Variants in NAE1 observed in about 807,000 individuals in gnomAD.
NAE1 encodes the protein NEDD8-activating enzyme E1 regulatory subunit.
Under a neutral mutation model 88.0 loss-of-function variants are expected in NAE1, and 59 were observed. That is an observed-to-expected ratio of 0.67 (90% CI 0.54 to 0.83). NAE1 has a LOEUF of 0.83. Among genes scored for constraint, NAE1 ranks in the 40% least tolerant of loss-of-function variants. The pLI, the probability that NAE1 is intolerant of heterozygous loss-of-function variation, is 0.00. For missense variants in NAE1, 554 were observed against 632.8 expected, an observed-to-expected ratio of 0.88 and a Z score of 1.34; for synonymous variants, 186 against 208.9, an observed-to-expected ratio of 0.89 and a Z score of 0.95.
At chr16:66,826,360 T>C (rs577130736) in intron 3 of NAE1, 163 bp downstream of exon 3, 1 of 629,524 alleles carries the variant, frequency 1.6e-6, no homozygotes, top group Non-Finnish European at 2.8e-6. Context: ...ATTTGCCAGA[T>C]GCTGTACTAG....
chr16:66,804,718 A>G (rs1253236413), intron 19 of NAE1, among the ~76,000 whole-genome samples: 4 of 152,094 alleles, frequency 2.6e-5, no homozygotes, highest in Non-Finnish European at 4.4e-5. Context: ...TTGTATGAGG[A>G]TAGGGCCTTT....
At chr16:66,823,465 G>A in intron 5 of NAE1, 64 bp downstream of exon 5, 1 of 1,454,796 alleles carries the variant, frequency 6.9e-7, no homozygotes, top group Non-Finnish European at 9.4e-7. Flanking sequence ...TAAATTTCTG[G>A]GGCTTTGAAT....
In NAE1 at chr16:66,814,211, C is replaced by T. The variant is rs189103708; in HGVS notation, c.841-365G>A. ...TGTCAAAAATCTGAAACCCTTGCAC[C>T]CTAATTAGTGACCGTTGAGACAACC... On this transcript the variant is annotated intron_variant, in intron 11 of 19. Transcript: ENST00000290810. Among the ~76,000 whole-genome samples, 18 of 152,054 alleles carry T rather than the reference C, an allele frequency of 1.2e-4. 1 individual carries two copies. Among genetic ancestry groups the T allele is most frequent in the Admixed American group, 1.2e-3 (18 of 15,250 alleles).
chr16:66,804,166 T>A (rs954621265), intron 19 of NAE1, among the ~76,000 whole-genome samples: 1 of 151,196 alleles, frequency 6.6e-6, no homozygotes, highest in African/African-American at 2.4e-5. Flanking sequence ...AGACAGCATT[T>A]GAATAAAACC....
At position 66,810,280 on chromosome 16, in the gene NAE1, A is replaced by G. The variant is rs115947594; in HGVS notation, c.1150+94T>C. 1.1e-3 allele frequency: 1,123 copies of G among 1,056,450 alleles called. 8 individuals carry two copies. The African/African-American group carries it at 0.016, about 15-fold the overall frequency. The allele number at this position is 1,056,450 out of a possible 1,614,324, so 65.4% of individuals were successfully genotyped here. On this transcript the variant is annotated intron_variant, in intron 15 of 19. Coordinates refer to ENST00000290810, the MANE Select transcript of NAE1 (RefSeq NM_003905.4). The stretch of plus-strand genomic sequence containing the variant: ...TATCTATATCACTGAGGCCATGGAA[A>G]ACTTAAAATTTCAACCATTCAAAAT...
rs1959744490 is a variant in NAE1, at chr16:66,810,377, G to A, written c.1147C>T (p.Leu383Phe). 2.5e-6 allele frequency: 4 copies of A among 1,594,260 alleles called. No homozygotes were observed. The highest frequency in any genetic ancestry group is 3.4e-6 in the Non-Finnish European group (4 of 1,163,488). The change falls in exon 15 of 20, where the codon CTC (leucine) becomes TTC (phenylalanine). Residue 383 changes from leucine to phenylalanine, a missense_variant. Coordinates refer to ENST00000290810, the MANE Select transcript of NAE1 (RefSeq NM_003905.4). ...ESISEKELKL[L>F]CSNSAFLRVV... The stretch of plus-strand genomic sequence containing the variant: ...AAATTAATTCAAGGGGACTTACAGA[G>A]TAATTTTAATTCTTTCTCTGAAATG...
intron 13 of NAE1, among the ~76,000 whole-genome samples, chr16:66,811,445 C>A (rs1350015780): frequency 6.6e-6 from 1 of 152,052 alleles, no homozygotes. Context: ...AATTAACTGA[C>A]CTTCATACCT....
In NAE1 at chr16:66,823,827, G is replaced by C. The variant is rs1455187595; in HGVS notation, c.250-227C>G. ...GCTCACTGCAGCCTTGAACTCCTAG[G>C]CTTAAGCAATCTTCCTGCCTCAGCC... On this transcript the variant is annotated intron_variant, in intron 4 of 19. Coordinates refer to ENST00000290810, the MANE Select transcript of NAE1 (RefSeq NM_003905.4). Among the ~76,000 whole-genome samples, 4 of 152,154 alleles carry C rather than the reference G, an allele frequency of 2.6e-5. No individual in the cohort carries two copies. The East Asian group carries it at 5.8e-4, about 22-fold the overall frequency.
At position 66,814,635 on chromosome 16, in the gene NAE1, T is replaced by C. The variant is rs1380286287; in HGVS notation, c.841-789A>G. On this transcript the variant is annotated intron_variant, in intron 11 of 19. Coordinates refer to ENST00000290810, the MANE Select transcript of NAE1 (RefSeq NM_003905.4). ...TACACACACACACACACACAAATCA[T>C]AGGCTTGGATTCTACTGATGGGTGG... 5.8e-5 allele frequency among the ~76,000 whole-genome samples: 8 copies of C among 138,534 alleles called. No individual in the cohort carries two copies. The East Asian group carries it at 1.5e-3, about 27-fold the overall frequency. The allele number at this position is 138,534 out of a possible 152,430, so 90.9% of individuals were successfully genotyped here. A position where few individuals can be genotyped will look rare whatever the true frequency, so the allele number is the denominator to read the frequency against.
chr16:66,828,836 A>G (rs894236057), intron 1 of NAE1, among the ~76,000 whole-genome samples: 1 of 151,542 alleles, frequency 6.6e-6, no homozygotes, highest in South Asian at 2.1e-4. Flanking sequence ...TTAGCTAAGC[A>G]TGGTGGCACA....
intron 1 of NAE1, chr16:66,828,250 G>T (rs1960543167): frequency 4.2e-6 from 2 of 477,770 alleles, no homozygotes; most frequent in Middle Eastern, 5.9e-4. Flanking sequence ...CAGCACTTTG[G>T]GAGGCGGAGG....
At chr16:66,806,526 A>G (rs559567564) in intron 17 of NAE1, among the ~76,000 whole-genome samples, 5 of 152,148 alleles carry the variant, frequency 3.3e-5, no homozygotes, top group African/African-American at 1.2e-4. Context: ...CCGGGTTCAA[A>G]TGATTCTCAT....
At chr16:66,812,653 G>C (rs1332813484) in intron 13 of NAE1, among the ~76,000 whole-genome samples, 1 of 151,464 alleles carries the variant, frequency 6.6e-6, no homozygotes, top group Non-Finnish European at 1.5e-5. Flanking sequence ...GAATAGCTGG[G>C]ACTACAGGTG....
chr16:66,803,603 T>C (rs1959441531), intron 19 of NAE1, among the ~76,000 whole-genome samples: 1 of 152,000 alleles, frequency 6.6e-6, no homozygotes, highest in African/African-American at 2.4e-5. Context: ...ATTTTTTTTT[T>C]TTTTTAGACT....
rs1398904371 is a variant in NAE1, at chr16:66,830,863, AC to A, written c.36del (p.Lys12AsnfsTer6). On this transcript the variant is annotated frameshift_variant, in exon 1 of 20. Transcript: ENST00000290810. LOFTEE classifies it high-confidence loss of function. ...TCGGCTCACCTCAGCTGCCGGTCGT[AC>A]TTCTGCTCCTTGAGCAGCTTTCCCA... is the stretch of plus-strand genomic sequence containing the variant. ...AQLGKLLKEQ[K>X]YDRQLRLWGD... 6.5e-7 allele frequency: 1 copy of A among 1,531,094 alleles called. No homozygotes were observed. The highest frequency in any genetic ancestry group is 8.7e-7 in the Non-Finnish European group (1 of 1,148,120). The allele number at this position is 1,531,094 out of a possible 1,614,324, so 94.8% of individuals were successfully genotyped here.
intron 1 of NAE1, among the ~76,000 whole-genome samples, chr16:66,830,632 C>T (rs1960655514): frequency 6.6e-6 from 1 of 152,238 alleles, no homozygotes; most frequent in Non-Finnish European, 1.5e-5. Context: ...CCCCGAACTG[C>T]ACACCGCGTG....
At chr16:66,808,176 G>A (rs2145313509) in intron 17 of NAE1, among the ~76,000 whole-genome samples, 1 of 152,250 alleles carries the variant, frequency 6.6e-6, no homozygotes, top group South Asian at 2.1e-4. Context: ...ACAGACGTGA[G>A]CCACCGTACT....
intron 4 of NAE1, among the ~76,000 whole-genome samples, chr16:66,824,058 T>G (rs1438490540): frequency 6.6e-6 from 1 of 152,184 alleles, no homozygotes; most frequent in African/African-American, 2.4e-5. Context: ...TCCTAGTGTT[T>G]AAGACTCAAC....
chr16:66,822,172 A>C (rs1018435528), intron 6 of NAE1, among the ~76,000 whole-genome samples: 6 of 152,152 alleles, frequency 3.9e-5, no homozygotes, highest in Non-Finnish European at 8.8e-5. Context: ...AGCCTTCAAT[A>C]ATCAATTCTA....
Sources: gnomAD v4.1 joint callset for allele counts (sites outside exome capture counted in the v4.1 genomes callset) on GRCh38, gnomAD v4.1.1 for gene constraint, MANE v1.5 for transcripts, NCBI Gene and HGNC (gene_info 2026-07-23, HGNC 2026-07-21) for gene names.